The following B3GALT1 variants were observed in gnomAD, a reference collection of about 807,000 sequenced individuals.
B3GALT1 encodes the protein UDP-Gal:betaGlcNAc beta 1,3-galactosyltransferase, polypeptide 1.
Under a neutral mutation model 23.2 loss-of-function variants are expected in B3GALT1, and 10 were observed. The observed-to-expected ratio is 0.43, with a 90% CI of 0.27 to 0.73. The LOEUF (loss-of-function observed/expected upper bound fraction) is 0.73, where lower values mean the gene tolerates loss of function less well. B3GALT1 is among the 30% of genes least tolerant of loss of function. The probability of loss-of-function intolerance (pLI) is 0.21; values close to 1 mark genes in which losing one functional copy is unlikely to be tolerated. For missense variants in B3GALT1, 299 were observed against 405.4 expected (o/e 0.74, Z 2.25); for synonymous variants, 156 against 141.5 (o/e 1.10, Z -0.73).
At chr2:167,804,099 C>T (rs1440015289) in intron 3 of B3GALT1, among the ~76,000 whole-genome samples, 5 of 152,248 alleles carry the variant, frequency 3.3e-5, no homozygotes, top group South Asian at 2.1e-4. Flanking sequence ...AAGACATTCT[C>T]CTGCCTCAGA....
intron 2 of B3GALT1, among the ~76,000 whole-genome samples, chr2:167,557,667 G>A (rs1683877995): frequency 6.6e-6 from 1 of 152,186 alleles, no homozygotes; most frequent in Non-Finnish European, 1.5e-5. Flanking sequence ...ATCCTCAAAT[G>A]TATAATATGT....
chr2:167,676,833 G>C (rs768690649), intron 3 of B3GALT1, among the ~76,000 whole-genome samples: 1 of 152,106 alleles, frequency 6.6e-6, no homozygotes, highest in Non-Finnish European at 1.5e-5. Flanking sequence ...CACCGCGCCT[G>C]GCCCCAATAA....
chr2:167,314,469 A>G (rs1010426684), intron 1 of B3GALT1, among the ~76,000 whole-genome samples: 2 of 152,098 alleles, frequency 1.3e-5, no homozygotes, highest in Admixed American at 6.6e-5. Context: ...ATAAAGACCT[A>G]ATTTGTTCCA....
At chr2:167,663,928 G>A (rs1018924070) in intron 3 of B3GALT1, among the ~76,000 whole-genome samples, 5 of 151,214 alleles carry the variant, frequency 3.3e-5, no homozygotes, top group Non-Finnish European at 5.9e-5. Context: ...TCACTCTGAT[G>A]GTAGTTTCTT....
At chr2:167,775,021 T>C (rs1053369165) in intron 3 of B3GALT1, among the ~76,000 whole-genome samples, 1 of 152,220 alleles carries the variant, frequency 6.6e-6, no homozygotes, top group African/African-American at 2.4e-5. Context: ...GTGTAACTTG[T>C]AGCAGTACAT....
intron 1 of B3GALT1, among the ~76,000 whole-genome samples, chr2:167,452,356 AG>A (rs1699104576): frequency 6.6e-6 from 1 of 152,128 alleles, no homozygotes; most frequent in Non-Finnish European, 1.5e-5. Flanking sequence ...GGACCAAGAC[AG>A]CCCACAAGTC....
At chr2:167,783,952 A>G (rs1312351365) in intron 3 of B3GALT1, among the ~76,000 whole-genome samples, 1 of 152,192 alleles carries the variant, frequency 6.6e-6, no homozygotes, top group Admixed American at 6.5e-5. Flanking sequence ...ATCTGCAGTG[A>G]CCACAGTGGC....
intron 3 of B3GALT1, among the ~76,000 whole-genome samples, chr2:167,773,431 T>G (rs1259510351): frequency 1.3e-5 from 2 of 152,154 alleles, no homozygotes; most frequent in Non-Finnish European, 2.9e-5. Flanking sequence ...ATAAACTAGA[T>G]CACTTTTACA....
intron 3 of B3GALT1, among the ~76,000 whole-genome samples, chr2:167,713,440 G>A (rs1687093482): frequency 3.3e-5 from 5 of 152,060 alleles, no homozygotes; most frequent in African/African-American, 4.8e-5. Context: ...AAACTTATCT[G>A]TATTGTATAT....
chr2:167,385,033 T>A (rs1230910352), intron 1 of B3GALT1, among the ~76,000 whole-genome samples: 1 of 152,108 alleles, frequency 6.6e-6, no homozygotes, highest in Non-Finnish European at 1.5e-5. Context: ...ATCAGTCATC[T>A]CATTTAACCT....
Position 167,841,773 on chromosome 2 carries a change from C to T in B3GALT1, c.-230+22980C>T, listed in dbSNP as rs76415619. Among the ~76,000 whole-genome samples the T allele has an allele frequency of 3.5e-3, 540 of 152,228 alleles. 2 individuals are homozygous for T. The highest frequency in any genetic ancestry group is 6.4e-3 in the Non-Finnish European group (434 of 68,026). ...AAGATACTAGAAATCAGAATGGTTA[C>T]AGTGAATATAGCTTTTCAGATTCTA... On this transcript the variant is annotated intron_variant, in intron 4 of 4. Coordinates refer to ENST00000392690, the MANE Select transcript of B3GALT1 (RefSeq NM_020981.4).
intron 3 of B3GALT1, among the ~76,000 whole-genome samples, chr2:167,721,044 A>G (rs1291181557): frequency 1.3e-5 from 2 of 150,668 alleles, no homozygotes; most frequent in Admixed American, 6.6e-5. Context: ...TCTCTCCCCC[A>G]TCTCTCTCTG....
At chr2:167,758,254 A>C (rs935597654) in intron 3 of B3GALT1, among the ~76,000 whole-genome samples, 2 of 152,106 alleles carry the variant, frequency 1.3e-5, no homozygotes, top group African/African-American at 4.8e-5. Flanking sequence ...GCCCAAGCAT[A>C]GTCTTTGGTT....
chr2:167,372,597 A>G (rs1338883686), intron 1 of B3GALT1, among the ~76,000 whole-genome samples: 1 of 152,146 alleles, frequency 6.6e-6, no homozygotes, highest in Non-Finnish European at 1.5e-5. Flanking sequence ...TAAATAGTCT[A>G]AAGACTAACT....
At chr2:167,442,068 C>G (rs1157866460) in intron 1 of B3GALT1, among the ~76,000 whole-genome samples, 2 of 150,992 alleles carry the variant, frequency 1.3e-5, no homozygotes, top group Non-Finnish European at 2.9e-5. Context: ...TGTGATGTTC[C>G]CCTTCCTGTG....
intron 4 of B3GALT1, among the ~76,000 whole-genome samples, chr2:167,840,727 GT>G (rs1249133515): frequency 6.6e-6 from 1 of 151,328 alleles, no homozygotes; most frequent in African/African-American, 2.4e-5. Flanking sequence ...ACATGCACAT[GT>G]ATGTTTATTG....
At chr2:167,654,518 G>C (rs940904234) in intron 3 of B3GALT1, among the ~76,000 whole-genome samples, 3 of 151,398 alleles carry the variant, frequency 2.0e-5, no homozygotes, top group Non-Finnish European at 4.4e-5. Flanking sequence ...TCTTTTTTTT[G>C]AGACAGGGCC....
At chr2:167,614,205 G>A (rs1428404343) in intron 2 of B3GALT1, among the ~76,000 whole-genome samples, 1 of 151,146 alleles carries the variant, frequency 6.6e-6, no homozygotes, top group Admixed American at 6.6e-5. Flanking sequence ...TTAGTAAATT[G>A]ACTATGCTTG....
At chr2:167,410,545 A>C (rs1382784073) in intron 1 of B3GALT1, among the ~76,000 whole-genome samples, 2 of 151,502 alleles carry the variant, frequency 1.3e-5, no homozygotes, top group Admixed American at 1.3e-4. Flanking sequence ...ACATGGACAC[A>C]ACACAGGGAG....
Sources: allele counts gnomAD v4.1 joint callset (sites outside exome capture counted in the v4.1 genomes callset), GRCh38; gene constraint gnomAD v4.1.1; transcripts MANE v1.5; gene names NCBI Gene and HGNC (gene_info 2026-07-23, HGNC 2026-07-21).